Variants in VANGL1 observed in about 807,000 individuals in gnomAD.
VANGL1 encodes vang-like protein 1.
Under a neutral mutation model 48.4 loss-of-function variants are expected in VANGL1, and 18 were observed. That is an observed-to-expected ratio of 0.37 (90% CI 0.26 to 0.55). VANGL1 has a LOEUF of 0.55. Ranked by LOEUF, VANGL1 falls within the 20% of genes least tolerant of loss-of-function variation. The pLI is 0.81. For synonymous variants in VANGL1, 257 were observed against 261.8 expected, an observed-to-expected ratio of 0.98 and a Z score of 0.18; for missense variants, 667 against 675.8, an observed-to-expected ratio of 0.99 and a Z score of 0.14.
chr1:115,649,956 G>A (rs2101301011), intron 1 of VANGL1, among the ~76,000 whole-genome samples: 1 of 152,218 alleles, frequency 6.6e-6, no homozygotes, highest in South Asian at 2.1e-4. Flanking sequence ...GAAGTGAAAT[G>A]GTAAGTCAGG....
chr1:115,644,513 A>ATATTGGTTTGGTGTTAGCAG (rs1382313738), intron 1 of VANGL1, among the ~76,000 whole-genome samples: 1 of 152,140 alleles, frequency 6.6e-6, no homozygotes, highest in Non-Finnish European at 1.5e-5. Flanking sequence ...TCTGTTAGCA[A>ATATTGGTTTGGTGTTAGCAG]TATTGGTTTG....
intron 3 of VANGL1, among the ~76,000 whole-genome samples, chr1:115,660,005 G>A (rs565321345): frequency 3.5e-4 from 54 of 152,176 alleles, no homozygotes; most frequent in Admixed American, 7.9e-4. Flanking sequence ...GTGTGGAAAA[G>A]TAGCCAGCAA....
chr1:115,656,666 A>G (rs1473547071), intron 2 of VANGL1, among the ~76,000 whole-genome samples: 1 of 152,022 alleles, frequency 6.6e-6, no homozygotes, highest in Non-Finnish European at 1.5e-5. Context: ...TTATCAGGGG[A>G]ATTGTTGGTT....
At chr1:115,659,490 G>A (rs1294048436) in intron 2 of VANGL1, 151 bp from the exon 3 acceptor site, 1 of 1,047,534 alleles carries the variant, frequency 9.5e-7, no homozygotes, top group African/African-American at 1.6e-5. Context: ...GTGAAGATGG[G>A]TGGGTTTTGA....
chr1:115,658,877 A>G (rs1652441329), intron 2 of VANGL1, among the ~76,000 whole-genome samples: 1 of 152,130 alleles, frequency 6.6e-6, no homozygotes, highest in African/African-American at 2.4e-5. Flanking sequence ...CCACCCAGGA[A>G]GTTCCTGTGG....
intron 3 of VANGL1, among the ~76,000 whole-genome samples, chr1:115,662,735 A>G (rs1380482369): frequency 1.3e-5 from 2 of 151,918 alleles, no homozygotes; most frequent in African/African-American, 4.8e-5. Flanking sequence ...ATTGTTAAAG[A>G]GTGCTTGACA....
At chr1:115,664,332 G>A (rs1397611583) in intron 4 of VANGL1, 64 bp downstream of exon 4, 5 of 1,577,940 alleles carry the variant, frequency 3.2e-6, no homozygotes, top group South Asian at 1.2e-5. Context: ...CAGCTGCTCT[G>A]TAGCACGTGA....
chr1:115,666,452 A>G (rs12138199), intron 4 of VANGL1, among the ~76,000 whole-genome samples: 66,495 of 152,038 alleles, frequency 0.44, 14,899 homozygotes, highest in Admixed American at 0.49. Flanking sequence ...GCCTCCCACC[A>G]CACAGCTCTG....
intron 1 of VANGL1, among the ~76,000 whole-genome samples, chr1:115,650,353 A>G (rs1385141391): frequency 6.6e-6 from 1 of 151,042 alleles, no homozygotes; most frequent in East Asian, 2.0e-4. Flanking sequence ...TCGGTTTTCT[A>G]GAAGTAAAAA....
chr1:115,684,109 A>G (rs1056050327), intron 6 of VANGL1, 33 bp downstream of exon 6: 2 of 1,586,138 alleles, frequency 1.3e-6, no homozygotes. Flanking sequence ...GTACCCTCTT[A>G]CAGACTTTTA....
intron 3 of VANGL1, among the ~76,000 whole-genome samples, chr1:115,662,162 G>A (rs113117017): frequency 0.015 from 2,325 of 152,214 alleles, 65 homozygotes; most frequent in African/African-American, 0.053. Flanking sequence ...ATTAGTTTAT[G>A]GGATTGAGAC....
At position 115,697,383 on chromosome 1, in the gene VANGL1, ATTTATT is replaced by A. The variant is rs1424623068; in HGVS notation, c.*6010_*6015del. ...TACAAAAATCTAAACTATGGCAATA[ATTTATT>A]TTTATAATAGTTTACGGTAGGCTTT... On this transcript the variant is annotated 3_prime_UTR_variant, in exon 8 of 8. Transcript: ENST00000355485. 1 of 152,218 alleles carries A rather than the reference ATTTATT, an allele frequency of 6.6e-6. No individual in the cohort carries two copies. The highest frequency in any genetic ancestry group is 2.4e-5 in the African/African-American group (1 of 41,454). The allele number at this position is 152,218 out of a possible 1,614,324, so 9.4% of individuals were successfully genotyped here.
chr1:115,655,775 G>C (rs1652321725), intron 2 of VANGL1, among the ~76,000 whole-genome samples: 1 of 152,140 alleles, frequency 6.6e-6, no homozygotes. Context: ...CTCCCAGACA[G>C]CACTTGGCAG....
chr1:115,685,318 T>G lies in VANGL1; in HGVS notation c.1105T>G (p.Phe369Val). The G allele has an allele frequency of 6.2e-7, 1 of 1,614,144 alleles. No individual in the cohort carries two copies. The highest frequency in any genetic ancestry group is 8.5e-7 in the Non-Finnish European group (1 of 1,180,024). Residue 369 changes from phenylalanine to valine, a missense_variant, in exon 7 of 8, where the codon TTC (phenylalanine) becomes GTC (valine). By Grantham distance (50) the Phe-to-Val change is conservative (BLOSUM62 -1). Transcript: ENST00000355485. ...GCTGGTGGTTGCAGTGGAAGAGGCC[T>G]TCATCCACATTCAGCGTCTCCAGGC... is the stretch of plus-strand genomic sequence containing the variant. ...ARLVVAVEEAFIHIQRLQAEE... is the reference protein window; with the variant it reads ...ARLVVAVEEAVIHIQRLQAEE...
intron 5 of VANGL1, among the ~76,000 whole-genome samples, chr1:115,682,877 C>T (rs1264323134): frequency 2.6e-5 from 4 of 152,184 alleles, no homozygotes; most frequent in African/African-American, 9.7e-5. Context: ...GTAGTCCAGG[C>T]ATCTGGTGAG....
rs1349732628 is a variant in VANGL1, at chr1:115,659,745, A to G, written c.176A>G (p.Asn59Ser). The G allele has an allele frequency of 2.5e-6, 4 of 1,614,180 alleles. No individual in the cohort carries two copies. The highest frequency in any genetic ancestry group is 1.3e-5 in the African/African-American group (1 of 75,030). ...CCCACTGGAGAGCCCCTGTTGGGAA[A>G]TGATTCTACTCGGACAGAGGAAGTT... ...QPPTGEPLLGNDSTRTEEVQD... is the reference protein window; with the variant it reads ...QPPTGEPLLGSDSTRTEEVQD... The change falls in exon 3 of 8, where the codon AAT becomes AGT. Residue 59 changes from asparagine (N) to serine (S), a missense_variant. Asn to Ser is a conservative substitution (Grantham distance 46). Transcript: ENST00000355485.
At chr1:115,677,399 C>A (rs1026419144) in intron 4 of VANGL1, among the ~76,000 whole-genome samples, 3 of 152,170 alleles carry the variant, frequency 2.0e-5, no homozygotes, top group Non-Finnish European at 4.4e-5. Context: ...AGAAAATAGG[C>A]CAGTAGGCAA....
At chr1:115,655,770 A>G (rs934077324) in intron 2 of VANGL1, among the ~76,000 whole-genome samples, 3 of 152,196 alleles carry the variant, frequency 2.0e-5, no homozygotes, top group African/African-American at 7.2e-5. Flanking sequence ...ACCCTCTCCC[A>G]GACAGCACTT....
chr1:115,686,788 C>T (rs1324576485), intron 7 of VANGL1, among the ~76,000 whole-genome samples: 1 of 152,122 alleles, frequency 6.6e-6, no homozygotes, highest in Non-Finnish European at 1.5e-5. Context: ...TTAGTCTGGC[C>T]TCTTCATATG....
Sources: allele counts gnomAD v4.1 joint callset (sites outside exome capture counted in the v4.1 genomes callset), GRCh38; gene constraint gnomAD v4.1.1; transcripts MANE v1.5; gene names NCBI Gene and HGNC (gene_info 2026-07-23, HGNC 2026-07-21).